SELENOF: variants seen among roughly 807,000 people sequenced by gnomAD.
The protein encoded by SELENOF is selenoprotein F, also known as 15 kDa selenoprotein.
A neutral mutation model predicts 20.5 loss-of-function variants in SELENOF; 16 were observed. The ratio of observed to expected loss-of-function variants is 0.78; its 90% CI spans 0.53 to 1.19. The LOEUF is 1.19. Among genes scored for constraint, SELENOF ranks in the 50% most tolerant of loss-of-function variants. SELENOF has a pLI of 0.00. For missense variants in SELENOF, 215 were observed against 194.2 expected (o/e 1.11, Z -0.64); for synonymous variants, 78 against 74.5 (o/e 1.05, Z -0.24).
chr1:86,870,091 T>A (rs559146669), intron 3 of SELENOF, among the ~76,000 whole-genome samples: 2 of 152,234 alleles, frequency 1.3e-5, no homozygotes, highest in Non-Finnish European at 2.9e-5. Context: ...ATAAAAACAA[T>A]TGTTTCATTT....
chr1:86,914,157 C>T (rs752009092), upstream of SELENOF: 1 of 1,553,296 alleles, frequency 6.4e-7, no homozygotes, highest in Non-Finnish European at 8.9e-7. Context: ...AAGCTAGGGG[C>T]GTCCACTCCA....
intron 1 of SELENOF, among the ~76,000 whole-genome samples, chr1:86,905,550 T>C (rs1234827089): frequency 6.6e-6 from 1 of 152,184 alleles, no homozygotes; most frequent in African/African-American, 2.4e-5. Context: ...AACAGTACCG[T>C]TCGTGACACT....
chr1:86,884,448 T>G (rs1181088570), intron 2 of SELENOF, among the ~76,000 whole-genome samples: 1 of 152,042 alleles, frequency 6.6e-6, no homozygotes, highest in Non-Finnish European at 1.5e-5. Flanking sequence ...GGAAAATATT[T>G]GTTTTTCATG....
chr1:86,907,874 T>C (rs143919363), intron 1 of SELENOF, among the ~76,000 whole-genome samples: 179 of 151,992 alleles, frequency 1.2e-3, no homozygotes, highest in African/African-American at 3.7e-3. Context: ...TAATCTGAGT[T>C]ACTCAGGAGG....
At chr1:86,880,615 G>A (rs762532136) in intron 3 of SELENOF, 47 bp downstream of exon 3, 3 of 1,052,924 alleles carry the variant, frequency 2.8e-6, no homozygotes, top group Non-Finnish European at 4.2e-6. Context: ...CACATAAAAT[G>A]TTGATTTTAA....
At chr1:86,882,125 G>A (rs1309165409) in intron 2 of SELENOF, among the ~76,000 whole-genome samples, 7 of 151,504 alleles carry the variant, frequency 4.6e-5, no homozygotes, top group Non-Finnish European at 8.8e-5. Flanking sequence ...CCAGCTACTC[G>A]TGGGGCTGAG....
At chr1:86,883,422 A>G (rs1659128724) in intron 2 of SELENOF, among the ~76,000 whole-genome samples, 1 of 152,144 alleles carries the variant, frequency 6.6e-6, no homozygotes, top group Admixed American at 6.5e-5. Flanking sequence ...AAAAATGGTT[A>G]AAATAGTGAA....
chr1:86,900,674 A>AGAGACG (rs1019157209), intron 2 of SELENOF, among the ~76,000 whole-genome samples: 1 of 149,684 alleles, frequency 6.7e-6, no homozygotes, highest in Non-Finnish European at 1.5e-5. Context: ...AGACGGAGAC[A>AGAGACG]GAGACGGAGA....
At position 86,913,695 on chromosome 1, in the gene SELENOF, G is replaced by C. The variant is rs1345682890; in HGVS notation, c.84+333C>G. 11 of 265,986 alleles carry C rather than the reference G, an allele frequency of 4.1e-5. No individual in the cohort carries two copies. In the East Asian group the frequency reaches 7.6e-4, roughly 18 times the overall value. The allele number at this position is 265,986 out of a possible 1,614,324, so 16.5% of individuals were successfully genotyped here. A position where few individuals can be genotyped will look rare whatever the true frequency, so the allele number is the denominator to read the frequency against. On this transcript the variant is annotated intron_variant, in intron 1 of 4. Transcript: ENST00000331835. ...CTCGTCATGAGTCTCTTGCATTTCT[G>C]TCCATTTAAAAACAACCTCCACTTC... is the stretch of plus-strand genomic sequence containing the variant.
chr1:86,876,619 T>C (rs1474209910), intron 3 of SELENOF, among the ~76,000 whole-genome samples: 1 of 152,204 alleles, frequency 6.6e-6, no homozygotes, highest in Non-Finnish European at 1.5e-5. Flanking sequence ...TGTAAAGATA[T>C]AGATTGGTAG....
chr1:86,882,787 A>G (rs1260304090), intron 2 of SELENOF, among the ~76,000 whole-genome samples: 1 of 152,230 alleles, frequency 6.6e-6, no homozygotes, highest in Non-Finnish European at 1.5e-5. Context: ...GGAAAAACAA[A>G]ATATGGTATA....
At chr1:86,890,232 T>C (rs1055495028) in intron 2 of SELENOF, among the ~76,000 whole-genome samples, 4 of 152,142 alleles carry the variant, frequency 2.6e-5, no homozygotes, top group Admixed American at 2.6e-4. Flanking sequence ...GAAAAGGCCT[T>C]CTCTCAACCA....
upstream of SELENOF, chr1:86,914,379 G>C: frequency 5.9e-6 from 3 of 510,836 alleles, no homozygotes; most frequent in Non-Finnish European, 7.1e-6. Flanking sequence ...TCGTCAAGCA[G>C]CCAAGAAGCC....
intron 2 of SELENOF, among the ~76,000 whole-genome samples, chr1:86,884,372 CACACAT>C (rs1659158899): frequency 2.0e-5 from 3 of 150,162 alleles, no homozygotes; most frequent in South Asian, 4.2e-4. Context: ...CACACACACA[CACACAT>C]ATACACACAC....
intron 1 of SELENOF, among the ~76,000 whole-genome samples, chr1:86,904,688 A>T (rs899136566): frequency 2.0e-5 from 3 of 152,142 alleles, no homozygotes; most frequent in Non-Finnish European, 4.4e-5. Context: ...CTAACACCCC[A>T]AACTCATTAA....
At chr1:86,877,687 C>T (rs144184379) in intron 3 of SELENOF, among the ~76,000 whole-genome samples, 1 of 151,936 alleles carries the variant, frequency 6.6e-6, no homozygotes. Flanking sequence ...CTCCTTTTTG[C>T]GTCTGAACGT....
At chr1:86,873,066 A>AATAC (rs1658823998) in intron 3 of SELENOF, among the ~76,000 whole-genome samples, 1 of 83,886 alleles carries the variant, frequency 1.2e-5, no homozygotes, top group Non-Finnish European at 2.4e-5. Context: ...TAAATAAATA[A>AATAC]ATAAATAAAT....
At chr1:86,889,887 G>GT (rs1169877226) in intron 2 of SELENOF, among the ~76,000 whole-genome samples, 1 of 152,160 alleles carries the variant, frequency 6.6e-6, no homozygotes, top group African/African-American at 2.4e-5. Flanking sequence ...CACAGCCAAT[G>GT]TGTTGGTTTA....
chr1:86,913,923 C>G (rs981772646), intron 1 of SELENOF, 105 bp downstream of exon 1: 8 of 1,053,820 alleles, frequency 7.6e-6, no homozygotes, highest in African/African-American at 3.1e-5. Context: ...ATTAAGGAAG[C>G]GCAGTCCTCC....
Sources: gnomAD v4.1 joint callset for allele counts (sites outside exome capture counted in the v4.1 genomes callset) on GRCh38, gnomAD v4.1.1 for gene constraint, MANE v1.5 for transcripts, NCBI Gene and HGNC (gene_info 2026-07-23, HGNC 2026-07-21) for gene names.